GLRB: variants seen among roughly 807,000 people sequenced by gnomAD.
GLRB encodes the protein glycine receptor beta.
GLRB carries 33 observed loss-of-function variants against 54.2 expected under a neutral mutation model. That is an observed-to-expected ratio of 0.61 (90% CI 0.46 to 0.81). GLRB has a LOEUF of 0.81. Ranked by LOEUF, GLRB falls within the 40% of genes least tolerant of loss-of-function variation. The pLI, the probability that GLRB is intolerant of heterozygous loss-of-function variation, is 0.00. For synonymous variants in GLRB, 209 were observed against 208.2 expected, an observed-to-expected ratio of 1.00 and a Z score of -0.03; for missense variants, 572 against 584.6, an observed-to-expected ratio of 0.98 and a Z score of 0.22.
At chr4:157,153,429 G>T (rs1251399083) in intron 9 of GLRB, among the ~76,000 whole-genome samples, 1 of 152,118 alleles carries the variant, frequency 6.6e-6, no homozygotes, top group African/African-American at 2.4e-5. Context: ...GCTTGGAGAA[G>T]CCCATGCTCA....
At chr4:157,153,993 G>A (rs895850677) in intron 9 of GLRB, among the ~76,000 whole-genome samples, 16 of 152,208 alleles carry the variant, frequency 1.1e-4, no homozygotes, top group African/African-American at 3.9e-4. Flanking sequence ...TGCTGCCTGT[G>A]GCCTTTAAAA....
At chr4:157,135,645 C>T (rs1736370366) in intron 4 of GLRB, among the ~76,000 whole-genome samples, 1 of 152,100 alleles carries the variant, frequency 6.6e-6, no homozygotes, top group South Asian at 2.1e-4. Context: ...AATTAAACCC[C>T]TTTCCTTTAT....
chr4:157,108,925 C>A (rs1735319841), intron 2 of GLRB, among the ~76,000 whole-genome samples: 1 of 152,040 alleles, frequency 6.6e-6, no homozygotes, highest in Non-Finnish European at 1.5e-5. Context: ...GATCAGTCAG[C>A]AGTCATCAAC....
chr4:157,159,059 T>G (rs1208201434), intron 9 of GLRB, among the ~76,000 whole-genome samples: 1 of 152,278 alleles, frequency 6.6e-6, no homozygotes, highest in African/African-American at 2.4e-5. Context: ...CCCTTGTAAG[T>G]TGGATTCCTA....
intron 4 of GLRB, among the ~76,000 whole-genome samples, chr4:157,123,726 T>G (rs72980528): frequency 0.06 from 9,055 of 151,820 alleles, 677 homozygotes; most frequent in African/African-American, 0.18. Context: ...GTAAGAGATA[T>G]CATTTTCTCA....
chr4:157,112,116 A>T (rs1387836987), intron 2 of GLRB, among the ~76,000 whole-genome samples: 1 of 151,338 alleles, frequency 6.6e-6, no homozygotes, highest in Non-Finnish European at 1.5e-5. Context: ...CAAACAAGTG[A>T]TTCTTCTGAT....
At chr4:157,096,305 A>G (rs1450906452) in intron 2 of GLRB, among the ~76,000 whole-genome samples, 1 of 152,186 alleles carries the variant, frequency 6.6e-6, no homozygotes, top group East Asian at 1.9e-4. Flanking sequence ...AATTTTAGTG[A>G]GACTGAAAGT....
intron 8 of GLRB, 78 bp from the exon 9 acceptor site, chr4:157,152,640 A>G: frequency 8.9e-7 from 1 of 1,123,892 alleles, no homozygotes; most frequent in African/African-American, 1.5e-5. Context: ...CTGGAGACGG[A>G]TTTAGTCAAA....
chr4:157,118,013 A>G (rs1201470167), intron 2 of GLRB, among the ~76,000 whole-genome samples: 2 of 151,722 alleles, frequency 1.3e-5, no homozygotes, highest in Non-Finnish European at 3.0e-5. Flanking sequence ...AGTACAATAA[A>G]GAATGGAAGT....
At chr4:157,139,528 A>T (rs144852437) in intron 7 of GLRB, among the ~76,000 whole-genome samples, 300 of 152,230 alleles carry the variant, frequency 2.0e-3, no homozygotes, top group African/African-American at 6.8e-3. Flanking sequence ...ACTAAGTTGC[A>T]TGGAGCTTTT....
intron 1 of GLRB, among the ~76,000 whole-genome samples, chr4:157,077,749 G>T (rs1734088527): frequency 6.8e-6 from 1 of 147,336 alleles, no homozygotes; most frequent in Non-Finnish European, 1.5e-5. Flanking sequence ...ATATCTCGTT[G>T]GCGGTCTTGT....
At chr4:157,143,729 GT>G in intron 7 of GLRB, 77 bp from the exon 8 acceptor site, 1 of 1,410,318 alleles carries the variant, frequency 7.1e-7, no homozygotes, top group Non-Finnish European at 9.9e-7. Context: ...GTGACTTACC[GT>G]TTCCAGGTCT....
At chr4:157,123,287 G>A (rs553837627) in intron 4 of GLRB, among the ~76,000 whole-genome samples, 3 of 151,722 alleles carry the variant, frequency 2.0e-5, no homozygotes, top group Admixed American at 2.0e-4. Flanking sequence ...AATGGCAAGA[G>A]TACAGTCTAA....
intron 2 of GLRB, among the ~76,000 whole-genome samples, chr4:157,086,103 G>A (rs535012167): frequency 2.6e-5 from 4 of 152,172 alleles, no homozygotes; most frequent in South Asian, 4.1e-4. Context: ...AAGACTTCGC[G>A]TTACAGGTAT....
chr4:157,123,175 T>C (rs1735895369), intron 4 of GLRB, among the ~76,000 whole-genome samples: 1 of 151,774 alleles, frequency 6.6e-6, no homozygotes, highest in African/African-American at 2.4e-5. Flanking sequence ...GGTGAAATAA[T>C]ACTTCAGGTG....
chr4:157,099,144 G>A (rs1020440437), intron 2 of GLRB, among the ~76,000 whole-genome samples: 11 of 152,054 alleles, frequency 7.2e-5, no homozygotes, highest in Admixed American at 6.6e-5. Flanking sequence ...AGGCAAGCAA[G>A]AGGGTCATCC....
chr4:157,158,255 T>C (rs1737316997), intron 9 of GLRB, among the ~76,000 whole-genome samples: 1 of 152,128 alleles, frequency 6.6e-6, no homozygotes, highest in African/African-American at 2.4e-5. Context: ...GGGTAGATTG[T>C]AAAAATTTTC....
intron 7 of GLRB, among the ~76,000 whole-genome samples, chr4:157,139,365 A>G (rs940689411): frequency 6.6e-6 from 1 of 152,108 alleles, no homozygotes. Flanking sequence ...GTTGGCCCAT[A>G]TTCTTAATTT....
At chr4:157,079,922 A>G (rs185790677) in intron 2 of GLRB, among the ~76,000 whole-genome samples, 2 of 152,314 alleles carry the variant, frequency 1.3e-5, no homozygotes, top group East Asian at 1.9e-4. Flanking sequence ...GAATCAAGCC[A>G]TCTTGGGTTT....
Sources: gnomAD v4.1 joint callset for allele counts (sites outside exome capture counted in the v4.1 genomes callset) on GRCh38, gnomAD v4.1.1 for gene constraint, MANE v1.5 for transcripts, NCBI Gene and HGNC (gene_info 2026-07-23, HGNC 2026-07-21) for gene names.